DGCR2: variants seen among roughly 807,000 people sequenced by gnomAD.
The protein encoded by DGCR2 is DiGeorge syndrome critical region gene 2.
A neutral mutation model predicts 51.6 loss-of-function variants in DGCR2; 24 were observed. That is an observed-to-expected ratio of 0.47 (90% CI 0.34 to 0.65). DGCR2 has a LOEUF of 0.65. DGCR2 is among the 30% of genes least tolerant of loss of function. The pLI is 0.01. For synonymous variants in DGCR2, 340 were observed against 315.4 expected, an observed-to-expected ratio of 1.08 and a Z score of -0.82; for missense variants, 765 against 772.1, an observed-to-expected ratio of 0.99 and a Z score of 0.11.
chr22:19,112,191 T>C (rs1392644544), intron 1 of DGCR2, among the ~76,000 whole-genome samples: 1 of 151,278 alleles, frequency 6.6e-6, no homozygotes, highest in African/African-American at 2.4e-5. Flanking sequence ...GAGAATCGCT[T>C]GAACCCGGGA....
intron 3 of DGCR2, among the ~76,000 whole-genome samples, chr22:19,067,180 C>A (rs999259622): frequency 6.6e-6 from 1 of 152,106 alleles, no homozygotes; most frequent in African/African-American, 2.4e-5. Flanking sequence ...GTAACACAAG[C>A]AGACAGGCCC....
At chr22:19,055,762 C>CGA (rs2082593967) in intron 6 of DGCR2, 1 of 152,382 alleles carries the variant, frequency 6.6e-6, no homozygotes. Context: ...TCATGAAGCT[C>CGA]TCTCTGTTGC....
At chr22:19,060,482 G>A (rs1338889594) in intron 5 of DGCR2, 1 of 157,526 alleles carries the variant, frequency 6.3e-6, no homozygotes, top group African/African-American at 2.4e-5. Context: ...AATCTTAAAT[G>A]AGCAAGTGAC....
chr22:19,066,341 G>A (rs911516361), intron 3 of DGCR2, among the ~76,000 whole-genome samples: 3 of 152,148 alleles, frequency 2.0e-5, no homozygotes, highest in African/African-American at 7.2e-5. Context: ...GGCAGAGACT[G>A]CCTGCAGTGA....
intron 1 of DGCR2, among the ~76,000 whole-genome samples, chr22:19,103,127 G>A (rs1386778896): frequency 1.3e-5 from 2 of 152,134 alleles, no homozygotes; most frequent in Non-Finnish European, 2.9e-5. Context: ...AATGCTAAGT[G>A]AAAGAAGCCA....
At chr22:19,048,401 T>C (rs775254202) in intron 7 of DGCR2, 39 bp downstream of exon 7, 2 of 1,609,264 alleles carry the variant, frequency 1.2e-6, no homozygotes, top group East Asian at 2.2e-5. Context: ...CAGCCCCAAA[T>C]AGGGAGGCTG....
chr22:19,116,079 AGT>A (rs2083370469), intron 1 of DGCR2, among the ~76,000 whole-genome samples: 1 of 152,258 alleles, frequency 6.6e-6, no homozygotes, highest in African/African-American at 2.4e-5. Context: ...GAAACTGAAG[AGT>A]GAGCAGTAGA....
intron 1 of DGCR2, among the ~76,000 whole-genome samples, chr22:19,104,314 G>C (rs908739333): frequency 6.6e-6 from 1 of 152,172 alleles, no homozygotes; most frequent in African/African-American, 2.4e-5. Flanking sequence ...AAACCCACGA[G>C]TCTCTGCAAT....
intron 2 of DGCR2, among the ~76,000 whole-genome samples, chr22:19,079,743 G>C (rs1165497184): frequency 2.6e-5 from 4 of 152,216 alleles, no homozygotes; most frequent in African/African-American, 4.8e-5. Flanking sequence ...GTGAAAGCAG[G>C]GGAGCAGCCC....
chr22:19,071,133 G>C (rs755500887), intron 2 of DGCR2, among the ~76,000 whole-genome samples: 5 of 152,212 alleles, frequency 3.3e-5, no homozygotes, highest in Non-Finnish European at 7.3e-5. Flanking sequence ...TGGGGACCTG[G>C]TGCAGGGGTC....
chr22:19,115,200 TCA>T (rs1018829432), intron 1 of DGCR2, among the ~76,000 whole-genome samples: 1 of 152,182 alleles, frequency 6.6e-6, no homozygotes, highest in African/African-American at 2.4e-5. Flanking sequence ...AGCCACATCC[TCA>T]CACAGGGCAG....
At chr22:19,066,057 A>C (rs2145972572) in intron 3 of DGCR2, among the ~76,000 whole-genome samples, 1 of 152,334 alleles carries the variant, frequency 6.6e-6, no homozygotes, top group East Asian at 1.9e-4. Flanking sequence ...CCATCTGCTC[A>C]CCGTGAAGGG....
chr22:19,040,265 G>A (rs1856753159), intron 9 of DGCR2, among the ~76,000 whole-genome samples: 1 of 152,230 alleles, frequency 6.6e-6, no homozygotes, highest in South Asian at 2.1e-4. Context: ...GATCATGCAA[G>A]AGCTGTGGCA....
intron 2 of DGCR2, among the ~76,000 whole-genome samples, chr22:19,071,294 A>G (rs773911333): frequency 6.6e-6 from 1 of 152,254 alleles, no homozygotes; most frequent in Non-Finnish European, 1.5e-5. Flanking sequence ...AAGTTCAACA[A>G]GGAAACAGAA....
chr22:19,045,786 G>A (rs924975794), intron 7 of DGCR2, among the ~76,000 whole-genome samples: 22 of 152,144 alleles, frequency 1.4e-4, no homozygotes, highest in African/African-American at 5.1e-4. Flanking sequence ...GAGTACAGTG[G>A]CGTGATCTCA....
intron 7 of DGCR2, among the ~76,000 whole-genome samples, chr22:19,044,872 C>G (rs1363908227): frequency 6.6e-6 from 1 of 152,198 alleles, no homozygotes; most frequent in African/African-American, 2.4e-5. Context: ...ATTCTGAATA[C>G]AGACCTTTGA....
At position 19,063,086 on chromosome 22, in the gene DGCR2, T is replaced by TCCATCTC. The variant is rs111427599; in HGVS notation, c.625+115_625+116insGAGATGG. 9 of 934,744 alleles carry TCCATCTC rather than the reference T, an allele frequency of 9.6e-6. No homozygotes were observed. The Admixed American group carries it at 1.3e-4, about 13-fold the overall frequency. The allele number at this position is 934,744 out of a possible 1,614,324, so 57.9% of individuals were successfully genotyped here. On this transcript the variant is annotated intron_variant, in intron 5 of 9. Coordinates refer to ENST00000263196, the MANE Select transcript of DGCR2 (RefSeq NM_005137.3). Reference sequence around the variant, plus strand: ...CTCCCTGCAACTGGGGCTCACCCACTCCCTGCACAGCACCCCTACGGGCCA... The same window carrying TCCATCTC: ...CTCCCTGCAACTGGGGCTCACCCACTCCATCTCCCCTGCACAGCACCCCTACGGGCCA...
At chr22:19,040,305 C>A (rs1473983028) in intron 9 of DGCR2, among the ~76,000 whole-genome samples, 1 of 152,220 alleles carries the variant, frequency 6.6e-6, no homozygotes, top group East Asian at 1.9e-4. Flanking sequence ...AGGACTGAGA[C>A]CTTTAGGCAC....
intron 6 of DGCR2, among the ~76,000 whole-genome samples, chr22:19,051,444 T>C (rs1267422746): frequency 6.6e-6 from 1 of 152,046 alleles, no homozygotes; most frequent in Non-Finnish European, 1.5e-5. Flanking sequence ...CTCCACAGTT[T>C]AAAAAAGAAC....
Sources: gnomAD v4.1 joint callset for allele counts (sites outside exome capture counted in the v4.1 genomes callset) on GRCh38, gnomAD v4.1.1 for gene constraint, MANE v1.5 for transcripts, NCBI Gene and HGNC (gene_info 2026-07-23, HGNC 2026-07-21) for gene names.